The following TUSC3 variants were observed in gnomAD, a reference collection of about 807,000 sequenced individuals.
TUSC3 encodes dolichyl-diphosphooligosaccharide--protein glycosyltransferase subunit TUSC3.
In TUSC3, 45 loss-of-function variants were observed where a neutral mutation model predicts 44.8. The observed-to-expected ratio is 1.00, with a 90% CI of 0.79 to 1.29. The LOEUF (loss-of-function observed/expected upper bound fraction) is 1.29. TUSC3 is among the 50% of genes most tolerant of loss of function. TUSC3 has a pLI of 0.00. For synonymous variants in TUSC3, 212 were observed against 152.9 expected (o/e 1.39, Z -2.85); for missense variants, 519 against 437.9 (o/e 1.19, Z -1.65).
At chr8:15,677,556 G>A (rs937734867) in intron 6 of TUSC3, among the ~76,000 whole-genome samples, 3 of 152,186 alleles carry the variant, frequency 2.0e-5, no homozygotes, top group Admixed American at 6.5e-5. Flanking sequence ...TCTGTAAAAT[G>A]AGTTGAATTC....
intron 2 of TUSC3, among the ~76,000 whole-genome samples, chr8:15,495,302 C>A (rs1037173905): frequency 6.6e-6 from 1 of 152,172 alleles, no homozygotes; most frequent in Non-Finnish European, 1.5e-5. Context: ...GAGGCTTCTA[C>A]TTTGTCTCCC....
chr8:15,503,385 A>G (rs981334243), intron 2 of TUSC3, among the ~76,000 whole-genome samples: 1 of 152,072 alleles, frequency 6.6e-6, no homozygotes, highest in Non-Finnish European at 1.5e-5. Context: ...GCACTGTGCT[A>G]TGGCAGCCCT....
rs537545006 is a variant in TUSC3 at position 15,730,493 on chromosome 8, A to G, written c.799-173A>G. On this transcript the variant is annotated intron_variant, in intron 6 of 10. Coordinates refer to ENST00000503731, the MANE Select transcript of TUSC3 (RefSeq NM_006765.4). ...AATAGTATCATCAACCAACATTGTCATCTATTTGCATTTAACTAATAATCA... is the reference window on the plus strand; with the variant it reads ...AATAGTATCATCAACCAACATTGTCGTCTATTTGCATTTAACTAATAATCA... Among the ~76,000 whole-genome samples the G allele has an allele frequency of 1.8e-4, 27 of 152,260 alleles. 2 individuals carry two copies. The South Asian group carries it at 5.0e-3, about 28-fold the overall frequency.
chr8:15,543,030 T>G (rs1405178833), intron 1 of TUSC3, among the ~76,000 whole-genome samples: 1 of 152,212 alleles, frequency 6.6e-6, no homozygotes, highest in African/African-American at 2.4e-5. Flanking sequence ...GTTCACAAAC[T>G]GTGATCTCTT....
intron 1 of TUSC3, among the ~76,000 whole-genome samples, chr8:15,601,455 G>T (rs1047173406): frequency 1.2e-4 from 18 of 151,734 alleles, no homozygotes; most frequent in South Asian, 6.2e-4. Flanking sequence ...CCCTTCTAGT[G>T]GCAAAGGCTG....
intron 1 of TUSC3, among the ~76,000 whole-genome samples, chr8:15,600,972 A>T (rs115711307): frequency 2.0e-5 from 3 of 151,538 alleles, no homozygotes; most frequent in African/African-American, 7.3e-5. Flanking sequence ...ATTTAGTTAA[A>T]ATAATATTTT....
intron 1 of TUSC3, among the ~76,000 whole-genome samples, chr8:15,614,901 C>A (rs1431507861): frequency 1.5e-5 from 2 of 133,844 alleles, no homozygotes; most frequent in African/African-American, 5.6e-5. Context: ...TGAAAGTATA[C>A]AAGTACAGCT....
chr8:15,744,302 A>T (rs192119258), intron 8 of TUSC3, among the ~76,000 whole-genome samples: 4 of 152,270 alleles, frequency 2.6e-5, no homozygotes, highest in Non-Finnish European at 5.9e-5. Context: ...TTTTCTAGCA[A>T]AAAGAGAAGA....
At chr8:15,792,147 C>G in the TUSC3 span, among the ~76,000 whole-genome samples, 1 of 151,534 alleles carries the variant, frequency 6.6e-6, no homozygotes, top group Non-Finnish European at 1.5e-5. Context: ...CACACACACC[C>G]TCTACCCACC....
chr8:15,507,592 G>C (rs1470466065), intron 2 of TUSC3, among the ~76,000 whole-genome samples: 2 of 151,996 alleles, frequency 1.3e-5, no homozygotes, highest in Non-Finnish European at 2.9e-5. Flanking sequence ...GTCTTCTAAA[G>C]TCAAAAGAAT....
At chr8:15,482,059 A>G (rs1029677022) in intron 1 of TUSC3, among the ~76,000 whole-genome samples, 2 of 152,208 alleles carry the variant, frequency 1.3e-5, no homozygotes, top group African/African-American at 2.4e-5. Context: ...TGTCATCTCA[A>G]CAATGTTCAT....
intron 6 of TUSC3, among the ~76,000 whole-genome samples, chr8:15,723,228 G>T (rs568396975): frequency 6.6e-6 from 1 of 152,230 alleles, no homozygotes; most frequent in East Asian, 1.9e-4. Flanking sequence ...CTCCACAACA[G>T]ATCGTGCAGT....
rs1369375858 is a variant in TUSC3 at position 15,673,850 on chromosome 8, A to G, written c.798+14A>G. 2.5e-6 allele frequency: 4 copies of G among 1,592,934 alleles called. No homozygotes were observed. In the Admixed American group the frequency reaches 5.0e-5, roughly 20 times the overall value. On this transcript the variant is annotated intron_variant, in intron 6 of 10. Transcript: ENST00000503731. ...AATGGACAAGTGGTAAGTGTAATTT[A>G]TAAGCATGAATATTCTGAAGTTTAA...
intron 2 of TUSC3, among the ~76,000 whole-genome samples, chr8:15,636,456 G>C (rs1285703912): frequency 6.6e-6 from 1 of 152,150 alleles, no homozygotes; most frequent in Non-Finnish European, 1.5e-5. Context: ...GATCCAAGTA[G>C]ACCAACCCCA....
intron 1 of TUSC3, among the ~76,000 whole-genome samples, chr8:15,423,969 GTTTTTTTTTTTTTTTTTTTTTTTT>G (rs112397215): frequency 2.8e-5 from 2 of 70,362 alleles, no homozygotes; most frequent in Admixed American, 2.1e-4. Context: ...GTTTTGCTTT[GTTTTTTTTTTTTTTTTTTTTTTTT>G]TTTTTTTTTT....
At position 15,725,165 on chromosome 8, in the gene TUSC3, T is replaced by C. The variant is rs551545174; in HGVS notation, c.799-5501T>C. On this transcript the variant is annotated intron_variant, in intron 6 of 10. Transcript: ENST00000503731. ...TTTTAATTTTTTTTAGTAAGGATTA[T>C]ATGCCAAAGCAGAGACGCCAGCACT... is the stretch of plus-strand genomic sequence containing the variant. 3.3e-5 allele frequency among the ~76,000 whole-genome samples: 5 copies of C among 152,312 alleles called. No individual in the cohort carries two copies. The East Asian group carries it at 9.7e-4, about 29-fold the overall frequency.
chr8:15,645,482 C>G (rs1040229019), intron 2 of TUSC3, among the ~76,000 whole-genome samples: 2 of 152,012 alleles, frequency 1.3e-5, no homozygotes, highest in Non-Finnish European at 2.9e-5. Flanking sequence ...TTATCTCATC[C>G]TCTGTATGCT....
At chr8:15,446,010 CG>C (rs1265854785) in intron 1 of TUSC3, among the ~76,000 whole-genome samples, 1 of 151,586 alleles carries the variant, frequency 6.6e-6, no homozygotes, top group African/African-American at 2.4e-5. Flanking sequence ...ACTTCCCAGA[CG>C]GGCCGGCTGC....
chr8:15,440,953 T>TTTGCC (rs1352993068), intron 1 of TUSC3, among the ~76,000 whole-genome samples: 1 of 152,184 alleles, frequency 6.6e-6, no homozygotes, highest in Non-Finnish European at 1.5e-5. Flanking sequence ...TCTAGTAAGT[T>TTTGCC]TTGCGGGTTC....
Sources: gnomAD v4.1 joint callset for allele counts (sites outside exome capture counted in the v4.1 genomes callset) on GRCh38, gnomAD v4.1.1 for gene constraint, MANE v1.5 for transcripts, NCBI Gene and HGNC (gene_info 2026-07-23, HGNC 2026-07-21) for gene names.